Variants in AXDND1 observed in about 807,000 individuals in gnomAD.
The protein encoded by AXDND1 is axonemal dynein light chain domain-containing protein 1.
A neutral mutation model predicts 137.5 loss-of-function variants in AXDND1; 110 were observed. The ratio of observed to expected loss-of-function variants is 0.80; its 90% CI spans 0.69 to 0.94. The LOEUF (loss-of-function observed/expected upper bound fraction) is 0.94, where lower values mean the gene tolerates loss of function less well. Among genes scored for constraint, AXDND1 ranks in the 40% least tolerant of loss-of-function variants. AXDND1 has a pLI of 0.00. For synonymous variants in AXDND1, 414 were observed against 399.7 expected, an observed-to-expected ratio of 1.04 and a Z score of -0.43; for missense variants, 1,191 against 1,169.8, an observed-to-expected ratio of 1.02 and a Z score of -0.26.
intron 9 of AXDND1, among the ~76,000 whole-genome samples, chr1:179,386,336 C>T (rs1649223104): frequency 6.6e-6 from 1 of 152,266 alleles, no homozygotes; most frequent in Middle Eastern, 3.4e-3. Context: ...GCGTGAGCCA[C>T]CGAGCCCAGC....
chr1:179,415,288 G>A (rs1171491650), intron 12 of AXDND1, among the ~76,000 whole-genome samples: 1 of 152,110 alleles, frequency 6.6e-6, no homozygotes, highest in African/African-American at 2.4e-5. Flanking sequence ...GTTGCAGTGA[G>A]CCGAGATCGC....
At chr1:179,382,160 C>T (rs1452943730) in intron 6 of AXDND1, among the ~76,000 whole-genome samples, 2 of 151,920 alleles carry the variant, frequency 1.3e-5, no homozygotes. Context: ...CTCACTGCAA[C>T]CCCCGCCTCC....
At chr1:179,503,453 A>T (rs1325119372) in intron 20 of AXDND1, among the ~76,000 whole-genome samples, 1 of 152,084 alleles carries the variant, frequency 6.6e-6, no homozygotes, top group African/African-American at 2.4e-5. Flanking sequence ...GCCAATTTTC[A>T]GTGAAAAATT....
At chr1:179,516,086 A>G (rs906464038) in intron 21 of AXDND1, among the ~76,000 whole-genome samples, 14 of 152,046 alleles carry the variant, frequency 9.2e-5, no homozygotes, top group Admixed American at 2.0e-4. Context: ...AGGAACATCA[A>G]TTATTCTTAG....
At chr1:179,490,141 T>C (rs756967484) in intron 18 of AXDND1, among the ~76,000 whole-genome samples, 2 of 152,196 alleles carry the variant, frequency 1.3e-5, no homozygotes, top group Non-Finnish European at 1.5e-5. Context: ...GATAAGTTGA[T>C]GGCTCATGTC....
At chr1:179,526,974 GGT>G (rs1230546829) in intron 22 of AXDND1, among the ~76,000 whole-genome samples, 7 of 152,182 alleles carry the variant, frequency 4.6e-5, no homozygotes, top group Non-Finnish European at 1.0e-4. Flanking sequence ...TTACAGGAAA[GGT>G]GTCATGATTC....
At chr1:179,439,072 C>G (rs1658618273) in intron 15 of AXDND1, among the ~76,000 whole-genome samples, 1 of 152,184 alleles carries the variant, frequency 6.6e-6, no homozygotes, top group South Asian at 2.1e-4. Context: ...GCTATGATTT[C>G]TGATTTTCAT....
chr1:179,450,011 T>C (rs1186694534), intron 16 of AXDND1: 2 of 135,710 alleles, frequency 1.5e-5, no homozygotes, highest in African/African-American at 5.9e-5. Flanking sequence ...TTTTTTTTTT[T>C]TTTTTTTTTT....
At chr1:179,444,408 G>GCTAATTACT (rs1053905896) in intron 15 of AXDND1, among the ~76,000 whole-genome samples, 1 of 151,962 alleles carries the variant, frequency 6.6e-6, no homozygotes, top group African/African-American at 2.4e-5. Context: ...GTCTCCCCAT[G>GCTAATTACT]CTAATTACTC....
At chr1:179,448,743 C>T (rs1189744143) in intron 16 of AXDND1, 2 of 163,622 alleles carry the variant, frequency 1.2e-5, no homozygotes, top group Admixed American at 6.0e-5. Context: ...TCCAACTTAC[C>T]GATTTTATTT....
In AXDND1 at chr1:179,533,777, T is replaced by G. The variant is rs1372037034; in HGVS notation, c.2716-18T>G. On this transcript the variant is annotated intron_variant, in intron 23 of 25. Coordinates refer to ENST00000367618, the MANE Select transcript of AXDND1 (RefSeq NM_144696.6). ...TTGAGACTGTCAGTTCATTCATATC[T>G]CATATTTCCTCTGTCAGAGAGAGTC... The G allele has an allele frequency of 6.3e-7, 1 of 1,574,894 alleles. No homozygotes were observed. Among genetic ancestry groups the G allele is most frequent in the Non-Finnish European group, 8.7e-7 (1 of 1,145,198 alleles).
chr1:179,459,890 TTTTC>T (rs1296211625), intron 16 of AXDND1, among the ~76,000 whole-genome samples: 80 of 140,826 alleles, frequency 5.7e-4, no homozygotes, highest in African/African-American at 2.2e-3. Context: ...TTCTCTTTTC[TTTTC>T]TTTCTTTCAT....
chr1:179,521,536 T>C (rs1435897410), intron 21 of AXDND1, among the ~76,000 whole-genome samples: 25 of 152,180 alleles, frequency 1.6e-4, no homozygotes, highest in Non-Finnish European at 1.5e-5. Context: ...TGTTTCTGAC[T>C]TTAGCAGGAA....
intron 18 of AXDND1, among the ~76,000 whole-genome samples, chr1:179,491,143 G>T (rs1407834730): frequency 6.6e-6 from 1 of 152,126 alleles, no homozygotes; most frequent in African/African-American, 2.4e-5. Context: ...GGGCAACATG[G>T]TGAAAGCCCA....
At chr1:179,399,814 CAT>C (rs1377978374) in intron 11 of AXDND1, among the ~76,000 whole-genome samples, 2 of 152,100 alleles carry the variant, frequency 1.3e-5, no homozygotes, top group South Asian at 2.1e-4. Context: ...GGGCAACAAA[CAT>C]ATGAAAAAAT....
At chr1:179,456,686 G>C in intron 16 of AXDND1, 1 of 797,540 alleles carries the variant, frequency 1.3e-6, no homozygotes, top group Non-Finnish European at 2.2e-6. Context: ...AGTTTCCTCC[G>C]TGACCAAAGT....
chr1:179,369,869 C>A, intron 3 of AXDND1, 106 bp from the exon 4 acceptor site: 1 of 709,536 alleles, frequency 1.4e-6, no homozygotes, highest in Non-Finnish European at 2.3e-6. Context: ...CTTAGAGTAC[C>A]CAAGTGCCCT....
At position 179,424,530 on chromosome 1, in the gene AXDND1, C is replaced by T. The variant is rs558949902; in HGVS notation, c.1231-4988C>T. 5.5e-4 allele frequency among the ~76,000 whole-genome samples: 83 copies of T among 150,840 alleles called. 1 individual carries two copies. Among genetic ancestry groups the T allele is most frequent in the African/African-American group, 1.7e-3 (71 of 41,018 alleles). On this transcript the variant is annotated intron_variant, in intron 12 of 25. Coordinates refer to ENST00000367618, the MANE Select transcript of AXDND1 (RefSeq NM_144696.6). The stretch of plus-strand genomic sequence containing the variant: ...GCAACCTCTGCCTCCCGGGTTCAAG[C>T]GATTCTCCTGCCTCAGTCTCCTGAG...
chr1:179,424,718 C>A (rs1230484102), intron 12 of AXDND1, among the ~76,000 whole-genome samples: 1 of 152,130 alleles, frequency 6.6e-6, no homozygotes, highest in Non-Finnish European at 1.5e-5. Context: ...GCGTGAGCCA[C>A]CATGCCTGGC....
Sources: gnomAD v4.1 joint callset for allele counts (sites outside exome capture counted in the v4.1 genomes callset) on GRCh38, gnomAD v4.1.1 for gene constraint, MANE v1.5 for transcripts, NCBI Gene and HGNC (gene_info 2026-07-23, HGNC 2026-07-21) for gene names.